Variants in MACF1 observed in about 807,000 individuals in gnomAD.
MACF1 encodes the protein microtubule-actin cross-linking factor 1.
In MACF1, 193 loss-of-function variants were observed where a neutral mutation model predicts 854.8. That is an observed-to-expected ratio of 0.23 (90% confidence interval 0.20 to 0.25). The LOEUF (loss-of-function observed/expected upper bound fraction) is 0.25. MACF1 is among the 10% of genes least tolerant of loss of function. MACF1 has a pLI of 1.00. For synonymous variants in MACF1, 3,185 were observed against 3,226.7 expected, an observed-to-expected ratio of 0.99 and a Z score of 0.44; for missense variants, 7,722 against 8,929.1, an observed-to-expected ratio of 0.86 and a Z score of 5.45.
At chr1:39,226,146 C>T (rs1372425368) in intron 1 of MACF1, among the ~76,000 whole-genome samples, 1 of 152,134 alleles carries the variant, frequency 6.6e-6, no homozygotes, top group Non-Finnish European at 1.5e-5. Context: ...AGCAGGCTAG[C>T]TAGTCTTGGG....
intron 1 of MACF1, among the ~76,000 whole-genome samples, chr1:39,208,776 C>T (rs1216755711): frequency 6.6e-6 from 1 of 152,082 alleles, no homozygotes; most frequent in Non-Finnish European, 1.5e-5. Context: ...AGGCGCACGC[C>T]ACCACACCCT....
At chr1:39,235,763 G>T (rs1644853870) in intron 2 of MACF1, among the ~76,000 whole-genome samples, 1 of 152,164 alleles carries the variant, frequency 6.6e-6, no homozygotes, top group African/African-American at 2.4e-5. Flanking sequence ...GTGTGACAGG[G>T]TTTACTCTGT....
At chr1:39,253,537 G>A (rs1645065710) in intron 4 of MACF1, among the ~76,000 whole-genome samples, 1 of 113,560 alleles carries the variant, frequency 8.8e-6, no homozygotes, top group African/African-American at 3.1e-5. Flanking sequence ...TTTTTGAGGT[G>A]GAGTCTCACT....
chr1:39,334,387 A>T lies in MACF1; in HGVS notation c.7799A>T (p.Lys2600Ile), dbSNP rs903165857. The change falls in exon 37 of 101, where the codon AAA becomes ATA. Residue 2600 changes from lysine (K) to isoleucine (I), a missense_variant. Transcript: ENST00000564288. ...GQRLTLAEAK[K>I]EGLLTNEAVL... ...AGATTGACCTTGGCAGAAGCTAAAA[A>T]AGAAGGACTGTTAACTAATGAAGCA... is the stretch of plus-strand genomic sequence containing the variant. 1.2e-6 allele frequency: 2 copies of T among 1,614,010 alleles called. No individual in the cohort carries two copies. The highest frequency in any genetic ancestry group is 3.3e-5 in the Admixed American group (2 of 60,002).
Position 39,430,852 on chromosome 1 carries a change from G to A in MACF1, c.17281G>A (p.Asp5761Asn). 6.2e-7 allele frequency: 1 copy of A among 1,612,728 alleles called. No homozygotes were observed. The highest frequency in any genetic ancestry group is 8.5e-7 in the Non-Finnish European group (1 of 1,180,024). ...TAACGAGCAGTACAAACTAGTCAGT[G>A]ACACTATTGGACAAAGGGTGGATGA... ...DANEQYKLVS[D>N]TIGQRVDEID... Residue 5761 changes from aspartate to asparagine, a missense_variant, in exon 66 of 101, where the codon GAC becomes AAC. By Grantham distance (23) the Asp-to-Asn change is conservative. Transcript: ENST00000564288.
intron 55 of MACF1, among the ~76,000 whole-genome samples, chr1:39,380,718 C>A (rs955269413): frequency 5.3e-5 from 8 of 152,134 alleles, no homozygotes; most frequent in African/African-American, 1.7e-4. Context: ...CCAGTCTGGG[C>A]AACATAGCAA....
intron 22 of MACF1, among the ~76,000 whole-genome samples, chr1:39,301,347 C>T (rs1321312282): frequency 6.6e-6 from 1 of 151,906 alleles, no homozygotes; most frequent in Non-Finnish European, 1.5e-5. Flanking sequence ...AGGATGGTCT[C>T]GATCTCCTGA....
intron 99 of MACF1, among the ~76,000 whole-genome samples, chr1:39,481,326 A>G (rs911424782): frequency 1.3e-5 from 2 of 152,234 alleles, no homozygotes; most frequent in African/African-American, 4.8e-5. Context: ...TATTGATGTC[A>G]TTTATAATCA....
rs1399554239 is a variant in MACF1, at chr1:39,452,294, A to G, written c.20557A>G (p.Thr6853Ala). The stretch of plus-strand genomic sequence containing the variant: ...CCAGGAACTGAGCACTCGCTGGGAC[A>G]CTGTCTGTAAACTCTCTGTTTCCAA... ...QLQELSTRWD[T>A]VCKLSVSKQS... Residue 6853 changes from threonine (T) to alanine (A), a missense_variant, in exon 86 of 101, where the codon ACT (threonine) becomes GCT (alanine). Transcript: ENST00000564288. 2 of 1,614,076 alleles carry G rather than the reference A, an allele frequency of 1.2e-6. No individual in the cohort carries two copies. The highest frequency in any genetic ancestry group is 1.7e-6 in the Non-Finnish European group (2 of 1,180,030).
Position 39,333,470 on chromosome 1 carries a change from T to C in MACF1, c.6882T>C (p.Asp2294=). 6.2e-7 allele frequency: 1 copy of C among 1,614,144 alleles called. No individual in the cohort carries two copies. Among genetic ancestry groups the C allele is most frequent in the Non-Finnish European group, 8.5e-7 (1 of 1,180,034 alleles). ...ATGTATTATCTGCACAGTTACTAGA[T>C]GGTGGTATCTTTCATGAACAAACAG... is the stretch of plus-strand genomic sequence containing the variant. ...TLNVLSAQLL[D]GGIFHEQTGQ... Residue 2294 remains aspartate, a synonymous_variant, in exon 37 of 101, where the codon GAT becomes GAC. Coordinates refer to ENST00000564288, the MANE Select transcript of MACF1 (RefSeq NM_001394062.1).
intron 58 of MACF1, chr1:39,411,617 G>T: frequency 6.2e-7 from 1 of 1,613,898 alleles, no homozygotes; most frequent in South Asian, 1.1e-5. Context: ...TGTACTGTGG[G>T]TACTATTGAT....
intron 1 of MACF1, among the ~76,000 whole-genome samples, chr1:39,228,389 A>C (rs1571197707): frequency 6.6e-6 from 1 of 152,210 alleles, no homozygotes; most frequent in African/African-American, 2.4e-5. Flanking sequence ...GAGGAAGAGA[A>C]GTAGCCAGTC....
chr1:39,203,405 G>C (rs1644415365), upstream of MACF1, among the ~76,000 whole-genome samples: 1 of 152,062 alleles, frequency 6.6e-6, no homozygotes, highest in Non-Finnish European at 1.5e-5. Flanking sequence ...GGGTCCCACT[G>C]TGTTACTCAG....
chr1:39,315,275 CTT>C (rs1249934375), intron 26 of MACF1, among the ~76,000 whole-genome samples: 1 of 152,136 alleles, frequency 6.6e-6, no homozygotes, highest in African/African-American at 2.4e-5. Context: ...ACTCTGTTGA[CTT>C]TGCTTTTTCT....
chr1:39,403,353 C>A (rs1254358538), intron 58 of MACF1, among the ~76,000 whole-genome samples: 1 of 152,150 alleles, frequency 6.6e-6, no homozygotes, highest in Non-Finnish European at 1.5e-5. Context: ...CCTGTCTCGG[C>A]CTCCCAAAGT....
chr1:39,201,353 A>C (rs115168768), upstream of MACF1, among the ~76,000 whole-genome samples: 1,087 of 151,988 alleles, frequency 7.2e-3, 13 homozygotes, highest in African/African-American at 0.025. Flanking sequence ...CAACATAGGA[A>C]CAAGAATGAT....
At chr1:39,369,113 C>G (rs1320997203) in intron 50 of MACF1, among the ~76,000 whole-genome samples, 3 of 150,000 alleles carry the variant, frequency 2.0e-5, no homozygotes, top group African/African-American at 7.4e-5. Context: ...GCTGGGATTA[C>G]AGGTGTGAAC....
chr1:39,344,188 AG>A (rs1210077433), intron 40 of MACF1, among the ~76,000 whole-genome samples: 1 of 151,996 alleles, frequency 6.6e-6, no homozygotes, highest in African/African-American at 2.4e-5. Flanking sequence ...ACACTTTGGG[AG>A]GCGAAGGCGG....
chr1:39,439,219 C>T (rs1644050419), intron 71 of MACF1, 55 bp from the exon 72 acceptor site: 2 of 1,020,642 alleles, frequency 2.0e-6, no homozygotes, highest in South Asian at 2.8e-5. Context: ...CTGAATAGAC[C>T]AATTTCAGGC....
Sources: allele counts gnomAD v4.1 joint callset (sites outside exome capture counted in the v4.1 genomes callset), GRCh38; gene constraint gnomAD v4.1.1; transcripts MANE v1.5; gene names NCBI Gene and HGNC (gene_info 2026-07-23, HGNC 2026-07-21).